GCN1: variants seen among roughly 807,000 people sequenced by gnomAD.
The protein encoded by GCN1 is GCN1 activator of EIF2AK4.
In GCN1, 90 loss-of-function variants were observed where a neutral mutation model predicts 288.4. The observed-to-expected ratio is 0.31, with a 90% CI of 0.26 to 0.37. GCN1 has a LOEUF of 0.37. Among genes scored for constraint, GCN1 ranks in the 10% least tolerant of loss-of-function variants. The pLI is 1.00. For synonymous variants in GCN1, 1,386 were observed against 1,420.2 expected, an observed-to-expected ratio of 0.98 and a Z score of 0.54; for missense variants, 2,586 against 3,419.9, an observed-to-expected ratio of 0.76 and a Z score of 6.08.
chr12:120,191,174 G>A (rs1045710243), intron 1 of GCN1, among the ~76,000 whole-genome samples: 1 of 152,200 alleles, frequency 6.6e-6, no homozygotes, highest in Non-Finnish European at 1.5e-5. Flanking sequence ...TTTTATAGGC[G>A]ATGAAGAAAC....
chr12:120,162,016 C>T lies in GCN1; in HGVS notation c.2206G>A (p.Asp736Asn), dbSNP rs1877948189. The change falls in exon 21 of 58, where the codon GAC (aspartate) becomes AAC (asparagine). Residue 736 changes from aspartate (D) to asparagine (N), a missense_variant. Coordinates refer to ENST00000300648, the MANE Select transcript of GCN1 (RefSeq NM_006836.2). ...CTGATGAGCTGTGGGAGGACCCGGT[C>T]CGGCGACAGGACGGAAAGGGAGCCC... is the stretch of plus-strand genomic sequence containing the variant. ...AMGSLSVLSP[D>N]RVLPQLISTI... The T allele has an allele frequency of 1.4e-5, 22 of 1,613,656 alleles. No individual in the cohort carries two copies. The highest frequency in any genetic ancestry group is 1.8e-5 in the Non-Finnish European group (21 of 1,180,036).
Position 120,194,710 on chromosome 12 carries a change from G to C in GCN1, c.-13C>G. 1 of 1,508,944 alleles carries C rather than the reference G, an allele frequency of 6.6e-7. No homozygotes were observed. The highest frequency in any genetic ancestry group is 2.7e-5 in the East Asian group (1 of 37,036). The allele number at this position is 1,508,944 out of a possible 1,614,324, so 93.5% of individuals were successfully genotyped here. A position where few individuals can be genotyped will look rare whatever the true frequency, so the allele number is the denominator to read the frequency against. ...TGTCCGCCGCCATCCTGCCGGGGCT[G>C]ACTCCGGAACCGCTTCCGGAACGCT... On this transcript the variant is annotated 5_prime_UTR_variant, in exon 1 of 58. Transcript: ENST00000300648.
chr12:120,136,358 T>C, intron 51 of GCN1, 144 bp downstream of exon 51: 3 of 640,814 alleles, frequency 4.7e-6, no homozygotes, highest in Non-Finnish European at 8.3e-6. Context: ...TGGTGTAGCA[T>C]GTCTGAAGTC....
Position 120,153,770 on chromosome 12 carries a change from G to C in GCN1, c.3841C>G (p.Leu1281Val), listed in dbSNP as rs748127301. The C allele has an allele frequency of 1.2e-6, 2 of 1,614,148 alleles. No homozygotes were observed. Among genetic ancestry groups the C allele is most frequent in the East Asian group, 4.5e-5 (2 of 44,882 alleles). The change falls in exon 32 of 58, where the codon CTC (leucine) becomes GTC (valine). Residue 1281 changes from leucine to valine, a missense_variant. By Grantham distance (32) the Leu-to-Val change is conservative. Transcript: ENST00000300648. This position sits in a 1 kb window ranked among gnomAD's most constrained non-coding sequence, Gnocchi z 4.4. ...DVRKCMLDAALATLNTHGKEN... is the reference protein window; with the variant it reads ...DVRKCMLDAAVATLNTHGKEN... Reference sequence around the variant, plus strand: ...TTCCCATGAGTGTTGAGCGTTGCGAGGGCTGCATCCAACATGCACTTCCGG... The same window carrying C: ...TTCCCATGAGTGTTGAGCGTTGCGACGGCTGCATCCAACATGCACTTCCGG...
chr12:120,144,822 G>A lies in GCN1; in HGVS notation c.5169C>T (p.Val1723=), dbSNP rs146406093. The A allele has an allele frequency of 6.2e-7, 1 of 1,614,186 alleles. No individual in the cohort carries two copies. The highest frequency in any genetic ancestry group is 2.2e-5 in the East Asian group (1 of 44,884). Residue 1723 remains valine, a synonymous_variant, in exon 41 of 58, where the codon GTC becomes GTT. Transcript: ENST00000300648. The surrounding 1 kb of genome is among the most constrained non-coding windows in gnomAD (Gnocchi z 4.7). ...ACTTCTCCACCCCCAAACCGGCCATGACCTCAGCCAACCCTGCAACAAAGG... is the reference window on the plus strand; with the variant it reads ...ACTTCTCCACCCCCAAACCGGCCATAACCTCAGCCAACCCTGCAACAAAGG... The part of the protein sequence containing the change: ...RSGAAQGLAE[V]MAGLGVEKLE...
In GCN1 at chr12:120,173,985, G is replaced by A. The variant is rs575300424; in HGVS notation, c.1192+86C>T. ...CTGAGGGAGGTGTGTCTTTAGGAGA[G>A]GTTTATGGAAGGAAAGCTCCAACTG... On this transcript the variant is annotated intron_variant, in intron 13 of 57. Transcript: ENST00000300648. 4.8e-6 allele frequency: 5 copies of A among 1,034,246 alleles called. No individual in the cohort carries two copies. In the African/African-American group the frequency reaches 7.8e-5, roughly 16 times the overall value. 64.1% of individuals were successfully genotyped at this position (1,034,246 alleles called of 1,614,324 possible).
intron 2 of GCN1, among the ~76,000 whole-genome samples, chr12:120,187,242 C>T (rs1165792678): frequency 5.5e-5 from 8 of 144,252 alleles, no homozygotes; most frequent in South Asian, 2.2e-4. Flanking sequence ...GACAGAGTTT[C>T]GTTCTTGTTA....
At chr12:120,143,588 G>GAAAA (rs398055996) in intron 42 of GCN1, among the ~76,000 whole-genome samples, 15 of 119,546 alleles carry the variant, frequency 1.3e-4, no homozygotes, top group East Asian at 1.1e-3. Context: ...TCTCAAAAAG[G>GAAAA]AAAAAAAAAA....
chr12:120,162,153 CTTT>C, intron 20 of GCN1, 95 bp from the exon 21 acceptor site: 2 of 958,172 alleles, frequency 2.1e-6, no homozygotes, highest in Non-Finnish European at 3.1e-6. Flanking sequence ...GGCTCCCCTT[CTTT>C]ATGCCACTGC....
At chr12:120,192,885 A>C (rs1879050684) in intron 1 of GCN1, among the ~76,000 whole-genome samples, 1 of 151,082 alleles carries the variant, frequency 6.6e-6, no homozygotes, top group Non-Finnish European at 1.5e-5. Context: ...TCTCTACAAA[A>C]ACTAGCCGGG....
intron 1 of GCN1, among the ~76,000 whole-genome samples, chr12:120,191,509 A>G (rs1879003481): frequency 1.3e-5 from 2 of 152,246 alleles, no homozygotes; most frequent in South Asian, 4.1e-4. Flanking sequence ...TGGGGTTATC[A>G]TGTTTTTCTT....
chr12:120,156,358 C>T lies in GCN1; in HGVS notation c.3312+103G>A, dbSNP rs1877746221. On this transcript the variant is annotated intron_variant, in intron 28 of 57. Coordinates refer to ENST00000300648, the MANE Select transcript of GCN1 (RefSeq NM_006836.2). This position sits in a 1 kb window ranked among gnomAD's most constrained non-coding sequence, Gnocchi z 5.8. ...TGACTTCTTCTCTTTGCCTCTAGGC[C>T]TCCCACCAGAGTGAGGGACATTCTC... 1.7e-6 allele frequency: 2 copies of T among 1,161,434 alleles called. No individual in the cohort carries two copies. Among genetic ancestry groups the T allele is most frequent in the Non-Finnish European group, 2.5e-6 (2 of 800,824 alleles). 71.9% of individuals were successfully genotyped at this position (1,161,434 alleles called of 1,614,324 possible). A position where few individuals can be genotyped will look rare whatever the true frequency, so the allele number is the denominator to read the frequency against.
At chr12:120,151,026 C>T (rs781047355) in intron 34 of GCN1, 119 bp downstream of exon 34, 1 of 1,116,422 alleles carries the variant, frequency 9.0e-7, no homozygotes, top group Non-Finnish European at 1.3e-6. Context: ...CAGCGGGGCC[C>T]TCTGTAGTAC....
At chr12:120,164,126 A>G (rs1375845957) in intron 18 of GCN1, among the ~76,000 whole-genome samples, 1 of 152,188 alleles carries the variant, frequency 6.6e-6, no homozygotes, top group African/African-American at 2.4e-5. Context: ...CCTGGAAAAA[A>G]GGTTAAGCTA....
At chr12:120,138,980 G>T in intron 45 of GCN1, 124 bp from the exon 46 acceptor site, 2 of 755,044 alleles carry the variant, frequency 2.6e-6, no homozygotes, top group Non-Finnish European at 2.1e-6. Flanking sequence ...TGCCTGACTT[G>T]TCTTTTAACT....
Position 120,159,975 on chromosome 12 carries a change from C to G in GCN1, c.2599G>C (p.Ala867Pro). 6.2e-7 allele frequency: 1 copy of G among 1,614,148 alleles called. No homozygotes were observed. The highest frequency in any genetic ancestry group is 1.1e-5 in the South Asian group (1 of 91,080). Residue 867 changes from alanine (A) to proline (P), a missense_variant, in exon 24 of 58, where the codon GCC becomes CCC. This residue lies in a region of GCN1 where 913 missense variants were observed against 1,107.0 expected (regional missense o/e 0.82). Transcript: ENST00000300648. Reference sequence around the variant, plus strand: ...TGGGTCAGGCCGGACGGGTTCTTGGCCAGGATGATGTCCAGCAGTCCAAGC... The same window carrying G: ...TGGGTCAGGCCGGACGGGTTCTTGGGCAGGATGATGTCCAGCAGTCCAAGC... ...AALGLLDIIL[A>P]KNPSGLTQYI...
rs375473021 is a variant in GCN1, at chr12:120,147,247, G to A, written c.4752C>T (p.Ala1584=). 1.2e-6 allele frequency: 2 copies of A among 1,604,946 alleles called. No homozygotes were observed. Among genetic ancestry groups the A allele is most frequent in the Non-Finnish European group, 1.7e-6 (2 of 1,173,240 alleles). The change falls in exon 38 of 58, where the codon GCC becomes GCT. Residue 1584 remains alanine, a synonymous_variant. Coordinates refer to ENST00000300648, the MANE Select transcript of GCN1 (RefSeq NM_006836.2). Reference sequence around the variant, plus strand: ...GGGTCTTCCTGGAGGGATCCGTCAGGGCATCCAGGAGGACTGGAGCAATGG... The same window carrying A: ...GGGTCTTCCTGGAGGGATCCGTCAGAGCATCCAGGAGGACTGGAGCAATGG... ...ILAIAPVLLD[A]LTDPSRKTQK...
rs1394500411 is a variant in GCN1 at position 120,159,990 on chromosome 12, G to C, written c.2584C>G (p.Leu862Val). The C allele has an allele frequency of 1.9e-5, 30 of 1,614,146 alleles. No homozygotes were observed. Among genetic ancestry groups the C allele is most frequent in the Non-Finnish European group, 2.4e-5 (28 of 1,180,012 alleles). The change falls in exon 24 of 58, where the codon CTG becomes GTG. Residue 862 changes from leucine (L) to valine (V), a missense_variant. Coordinates refer to ENST00000300648, the MANE Select transcript of GCN1 (RefSeq NM_006836.2). ...DGELEAALGLLDIILAKNPSG... is the reference protein window; with the variant it reads ...DGELEAALGLVDIILAKNPSG... ...GGGTTCTTGGCCAGGATGATGTCCA[G>C]CAGTCCAAGCGCCGCCTCCAGCTCC... is the stretch of plus-strand genomic sequence containing the variant.
intron 2 of GCN1, among the ~76,000 whole-genome samples, chr12:120,189,852 A>T (rs1354131820): frequency 6.6e-6 from 1 of 152,042 alleles, no homozygotes; most frequent in African/African-American, 2.4e-5. Context: ...GGTGGCGCAC[A>T]CCTGTAATCC....
Sources: allele counts gnomAD v4.1 joint callset (sites outside exome capture counted in the v4.1 genomes callset), GRCh38; gene constraint gnomAD v4.1.1; regional missense constraint gnomAD v4.1.1; non-coding constraint Gnocchi (gnomAD v3.1); transcripts MANE v1.5; gene names NCBI Gene and HGNC (gene_info 2026-07-23, HGNC 2026-07-21).